Variants in ABCD2 observed in about 807,000 individuals in gnomAD.
ABCD2 encodes the protein ATP binding cassette subfamily D member 2.
Under a neutral mutation model 70.9 loss-of-function variants are expected in ABCD2, and 36 were observed. The ratio of observed to expected loss-of-function variants is 0.51; its 90% CI spans 0.39 to 0.67. The LOEUF (loss-of-function observed/expected upper bound fraction) is 0.67. Ranked by LOEUF, ABCD2 falls within the 30% of genes least tolerant of loss-of-function variation. The pLI, the probability that ABCD2 is intolerant of heterozygous loss-of-function variation, is 0.00. For synonymous variants in ABCD2, 304 were observed against 306.9 expected (o/e 0.99, Z 0.10); for missense variants, 729 against 890.2 (o/e 0.82, Z 2.30).
At chr12:39,579,859 C>A (rs1377590785) in intron 7 of ABCD2, among the ~76,000 whole-genome samples, 2 of 151,790 alleles carry the variant, frequency 1.3e-5, no homozygotes, top group Non-Finnish European at 2.9e-5. Flanking sequence ...GAATTCTAAA[C>A]CCTGACACTT....
intron 6 of ABCD2, among the ~76,000 whole-genome samples, chr12:39,593,754 A>C (rs1367065578): frequency 6.6e-6 from 1 of 152,194 alleles, no homozygotes; most frequent in Middle Eastern, 3.2e-3. Flanking sequence ...TTTTTAAGCC[A>C]TAATGCATCC....
intron 5 of ABCD2, among the ~76,000 whole-genome samples, chr12:39,601,694 T>A (rs1012237486): frequency 1.3e-5 from 2 of 152,122 alleles, no homozygotes; most frequent in Admixed American, 1.3e-4. Flanking sequence ...TAGCTTTGTA[T>A]AGAAAGGATA....
the ABCD2 span, among the ~76,000 whole-genome samples, chr12:39,532,563 C>A: frequency 1.3e-5 from 2 of 152,140 alleles, no homozygotes; most frequent in South Asian, 2.1e-4. Context: ...TATATTAATT[C>A]TTCCATTCCA....
chr12:39,538,340 T>A, the ABCD2 span, among the ~76,000 whole-genome samples: 9 of 151,832 alleles, frequency 5.9e-5, no homozygotes, highest in African/African-American at 9.7e-5. Flanking sequence ...GGATATTTTT[T>A]TTATTATTAT....
Position 39,603,941 on chromosome 12 carries a change from C to G in ABCD2, c.1471G>C (p.Glu491Gln), listed in dbSNP as rs1179062504. The G allele has an allele frequency of 8.1e-6, 13 of 1,612,636 alleles. No individual in the cohort carries two copies. Among genetic ancestry groups the G allele is most frequent in the Non-Finnish European group, 9.3e-6 (11 of 1,179,174 alleles). ...ENVPIITPAG[E>Q]VVASRLNFKV... ...AAGTTTAGCCTGGAAGCCACCACTT[C>G]TCCTGCTGGTGTAATTATGGGAACA... Residue 491 changes from glutamate to glutamine, a missense_variant, in exon 5 of 10, where the codon GAA becomes CAA. Transcript: ENST00000308666.
intron 4 of ABCD2, 23 bp from the exon 5 acceptor site, chr12:39,604,029 G>C: frequency 6.7e-7 from 1 of 1,488,982 alleles, no homozygotes; most frequent in Middle Eastern, 1.7e-4. Flanking sequence ...AAAAGTGTAA[G>C]ATACAAACAT....
At chr12:39,596,634 T>A (rs1048343866) in intron 6 of ABCD2, among the ~76,000 whole-genome samples, 4 of 152,184 alleles carry the variant, frequency 2.6e-5, no homozygotes, top group African/African-American at 9.7e-5. Context: ...TGTACACCAT[T>A]GTGGGAAGCC....
chr12:39,576,341 T>C (rs1285891617), intron 8 of ABCD2, among the ~76,000 whole-genome samples: 1 of 152,000 alleles, frequency 6.6e-6, no homozygotes, highest in African/African-American at 2.4e-5. Context: ...TTTTAATTTT[T>C]GTAGAGACGG....
chr12:39,553,768 T>A lies in ABCD2; in HGVS notation c.*144A>T. ...TATTTTCTTCTGAAAAGTCAGATCA[T>A]ATACTTCCTTAATGCTAAAATCTTA... On this transcript the variant is annotated 3_prime_UTR_variant, in exon 10 of 10. Coordinates refer to ENST00000308666, the MANE Select transcript of ABCD2 (RefSeq NM_005164.4). 1.6e-6 allele frequency: 1 copy of A among 635,828 alleles called. No homozygotes were observed. Among genetic ancestry groups the A allele is most frequent in the South Asian group, 2.1e-5 (1 of 47,022 alleles). The allele number at this position is 635,828 out of a possible 1,614,324, so 39.4% of individuals were successfully genotyped here. A position where few individuals can be genotyped will look rare whatever the true frequency, so the allele number is the denominator to read the frequency against.
At chr12:39,585,697 A>T (rs1434484475) in intron 7 of ABCD2, among the ~76,000 whole-genome samples, 1 of 152,166 alleles carries the variant, frequency 6.6e-6, no homozygotes, top group Non-Finnish European at 1.5e-5. Context: ...TCTAACTTTA[A>T]TTACCTGTGT....
chr12:39,595,726 T>C (rs1591989612), intron 6 of ABCD2, among the ~76,000 whole-genome samples: 1 of 152,224 alleles, frequency 6.6e-6, no homozygotes, highest in Non-Finnish European at 1.5e-5. Flanking sequence ...AGTAAAATGT[T>C]ACTCATAATT....
intron 5 of ABCD2, among the ~76,000 whole-genome samples, chr12:39,602,662 C>T (rs1354338270): frequency 6.6e-6 from 1 of 151,994 alleles, no homozygotes; most frequent in Non-Finnish European, 1.5e-5. Context: ...AACTTCAGAC[C>T]TTCTAAGATA....
At chr12:39,613,193 C>G (rs866235125) in intron 2 of ABCD2, among the ~76,000 whole-genome samples, 1 of 90,518 alleles carries the variant, frequency 1.1e-5, no homozygotes, top group Non-Finnish European at 2.1e-5. Context: ...GAGACCATCC[C>G]GGCTAAAACG....
At chr12:39,533,718 A>G in the ABCD2 span, among the ~76,000 whole-genome samples, 1 of 152,196 alleles carries the variant, frequency 6.6e-6, no homozygotes, top group Non-Finnish European at 1.5e-5. Context: ...TAACAATTGT[A>G]AAACAGTCTT....
intron 5 of ABCD2, among the ~76,000 whole-genome samples, chr12:39,602,127 TTTTATTTATTTATTTATTTATTTA>T (rs78767678): frequency 1.4e-5 from 2 of 145,258 alleles, no homozygotes; most frequent in Admixed American, 6.9e-5. Context: ...TTTTTAAAAA[TTTTATTTATTTATTTATTTATTTA>T]TTTATTTATT....
downstream of ABCD2, among the ~76,000 whole-genome samples, chr12:39,547,078 A>G (rs908780930): frequency 6.6e-6 from 1 of 152,120 alleles, no homozygotes; most frequent in Non-Finnish European, 1.5e-5. Flanking sequence ...GACCAACAAC[A>G]TATGAAAGGA....
In ABCD2 at chr12:39,573,774, G is replaced by T; in HGVS notation, c.1945C>A (p.Gln649Lys). 1 of 1,613,410 alleles carries T rather than the reference G, an allele frequency of 6.2e-7. No homozygotes were observed. ...VSIDVEGKIF[Q>K]AAKGAGISLL... The stretch of plus-strand genomic sequence containing the variant: ...GAAATTCCAGCCCCTTTTGCAGCCT[G>T]AAATATCTTTCCTTCGACATCAATG... Residue 649 changes from glutamine (Q) to lysine (K), a missense_variant, in exon 9 of 10, where the codon CAG (glutamine) becomes AAG (lysine). Coordinates refer to ENST00000308666, the MANE Select transcript of ABCD2 (RefSeq NM_005164.4).
intron 6 of ABCD2, among the ~76,000 whole-genome samples, chr12:39,589,949 A>G (rs1941723007): frequency 6.6e-6 from 1 of 152,196 alleles, no homozygotes; most frequent in African/African-American, 2.4e-5. Context: ...TTTTTATTAA[A>G]ATAATGATTT....
At chr12:39,576,308 C>T (rs2120604276) in intron 8 of ABCD2, among the ~76,000 whole-genome samples, 1 of 152,100 alleles carries the variant, frequency 6.6e-6, no homozygotes, top group African/African-American at 2.4e-5. Context: ...TATAGGCGCC[C>T]GCCACCATGC....
Sources: allele counts gnomAD v4.1 joint callset (sites outside exome capture counted in the v4.1 genomes callset), GRCh38; gene constraint gnomAD v4.1.1; transcripts MANE v1.5; gene names NCBI Gene and HGNC (gene_info 2026-07-23, HGNC 2026-07-21).